RPS6KA2: variants seen among roughly 807,000 people sequenced by gnomAD.
RPS6KA2 encodes ribosomal protein S6 kinase alpha-2.
RPS6KA2 carries 42 observed loss-of-function variants against 91.8 expected under a neutral mutation model. The observed-to-expected ratio is 0.46, with a 90% CI of 0.36 to 0.59. The LOEUF (loss-of-function observed/expected upper bound fraction) is 0.59, where lower values mean the gene tolerates loss of function less well. Among genes scored for constraint, RPS6KA2 ranks in the 20% least tolerant of loss-of-function variants. The probability of loss-of-function intolerance (pLI) is 0.00; values close to 1 mark genes in which losing one functional copy is unlikely to be tolerated. For missense variants in RPS6KA2, 798 were observed against 978.5 expected, an observed-to-expected ratio of 0.82 and a Z score of 2.46; for synonymous variants, 414 against 393.6, an observed-to-expected ratio of 1.05 and a Z score of -0.61.
chr6:166,478,570 A>T (rs1359883640), intron 10 of RPS6KA2, among the ~76,000 whole-genome samples: 3 of 152,168 alleles, frequency 2.0e-5, no homozygotes, highest in African/African-American at 7.2e-5. Flanking sequence ...GTTTAACAAC[A>T]TCTATTAAAA....
intron 2 of RPS6KA2, among the ~76,000 whole-genome samples, chr6:166,764,088 G>A (rs1371895752): frequency 3.3e-5 from 5 of 152,192 alleles, no homozygotes; most frequent in Admixed American, 3.3e-4. Flanking sequence ...GCTTCTGAGT[G>A]CCCTGTGCCT....
chr6:166,504,541 G>C lies in RPS6KA2; in HGVS notation c.531C>G (p.Ser177Arg). 1 of 1,613,336 alleles carries C rather than the reference G, an allele frequency of 6.2e-7. No homozygotes were observed. Among genetic ancestry groups the C allele is most frequent in the Non-Finnish European group, 8.5e-7 (1 of 1,179,388 alleles). The change falls in exon 6 of 21, where the codon AGC (serine) becomes AGG (arginine). Residue 177 changes from serine to arginine, a missense_variant. Physicochemically the swap from Ser to Arg is moderately radical, Grantham distance 110. Transcript: ENST00000265678. ...TCAGATCTCTGTAGATGATCCCCAG[G>C]CTGTGGAGATGGTCTAAAGCCAAGG... is the stretch of plus-strand genomic sequence containing the variant. ...ELALALDHLH[S>R]LGIIYRDLKP...
chr6:166,757,286 T>C (rs1778041775), intron 2 of RPS6KA2, among the ~76,000 whole-genome samples: 1 of 152,200 alleles, frequency 6.6e-6, no homozygotes, highest in South Asian at 2.1e-4. Context: ...TTAAGTTTTC[T>C]TGGGCTCAAA....
intron 19 of RPS6KA2, among the ~76,000 whole-genome samples, chr6:166,417,649 A>ACACACACACG (rs980071241): frequency 1.1e-4 from 16 of 147,878 alleles, no homozygotes; most frequent in African/African-American, 4.1e-4. Flanking sequence ...ACACACACAC[A>ACACACACACG]CACGCACGCA....
chr6:166,444,882 C>T (rs923134538), intron 14 of RPS6KA2, among the ~76,000 whole-genome samples: 17 of 152,166 alleles, frequency 1.1e-4, no homozygotes, highest in African/African-American at 3.9e-4. Context: ...CTTCCCACAA[C>T]CTTTGGCAGA....
At chr6:166,456,149 G>T (rs1458049004) in intron 12 of RPS6KA2, among the ~76,000 whole-genome samples, 2 of 152,182 alleles carry the variant, frequency 1.3e-5, no homozygotes, top group African/African-American at 4.8e-5. Flanking sequence ...ACCTTCCGTG[G>T]CCAGAGAACC....
chr6:166,431,216 T>C (rs1779119361), intron 15 of RPS6KA2, among the ~76,000 whole-genome samples: 1 of 151,980 alleles, frequency 6.6e-6, no homozygotes, highest in Non-Finnish European at 1.5e-5. Flanking sequence ...GCGTGAGCCA[T>C]AGTGCCTGGC....
intron 2 of RPS6KA2, among the ~76,000 whole-genome samples, chr6:166,776,594 C>T (rs903094050): frequency 7.9e-5 from 12 of 152,166 alleles, no homozygotes; most frequent in African/African-American, 2.2e-4. Context: ...TCCCTGGCAA[C>T]CAGCAATCCG....
intron 10 of RPS6KA2, among the ~76,000 whole-genome samples, chr6:166,476,014 C>CAATGTGA (rs1780960047): frequency 6.6e-6 from 1 of 152,206 alleles, no homozygotes; most frequent in Non-Finnish European, 1.5e-5. Flanking sequence ...CAATGTCTCA[C>CAATGTGA]AATGTGACCA....
chr6:166,426,102 C>T (rs1034938134), intron 16 of RPS6KA2, among the ~76,000 whole-genome samples: 2 of 152,130 alleles, frequency 1.3e-5, no homozygotes, highest in Admixed American at 6.6e-5. Context: ...AACAAACTAT[C>T]TCTCAGACCA....
chr6:166,659,054 C>T (rs2128556863), intron 2 of RPS6KA2, among the ~76,000 whole-genome samples: 1 of 150,012 alleles, frequency 6.7e-6, no homozygotes, highest in South Asian at 2.1e-4. Context: ...AGGTAAGAAG[C>T]TCCCCACAAC....
chr6:166,722,085 CAATCAGAAA>C (rs1157294057), intron 2 of RPS6KA2, among the ~76,000 whole-genome samples: 1 of 152,086 alleles, frequency 6.6e-6, no homozygotes, highest in Non-Finnish European at 1.5e-5. Context: ...GAATATAATA[CAATCAGAAA>C]AATTAGAAAT....
intron 1 of RPS6KA2, among the ~76,000 whole-genome samples, chr6:166,609,221 A>G (rs1163812028): frequency 6.6e-6 from 1 of 152,192 alleles, no homozygotes; most frequent in Non-Finnish European, 1.5e-5. Context: ...AGTGGGAGGT[A>G]CTACAGAGAT....
rs1224894955 is a variant in RPS6KA2, at chr6:166,829,399, G to A, written c.123+28801C>T. Among the ~76,000 whole-genome samples the A allele has an allele frequency of 2.6e-5, 4 of 151,968 alleles. 1 individual carries two copies. Among genetic ancestry groups the A allele is most frequent in the African/African-American group, 7.3e-5 (3 of 41,364 alleles). On this transcript the variant is annotated intron_variant, in intron 2 of 21. Coordinates refer to the RPS6KA2 transcript ENST00000503859. The stretch of plus-strand genomic sequence containing the variant: ...GAAGTCAGGAGATGGAGACCATCCT[G>A]GCTAACACAGAGAAACCCCGTCTCT...
chr6:166,647,185 C>T (rs1220439992), intron 2 of RPS6KA2, among the ~76,000 whole-genome samples: 1 of 151,950 alleles, frequency 6.6e-6, no homozygotes, highest in East Asian at 1.9e-4. Context: ...CTCTAAACCA[C>T]TCAGTAAATG....
At chr6:166,582,925 T>C (rs1451809443) in intron 1 of RPS6KA2, among the ~76,000 whole-genome samples, 1 of 152,256 alleles carries the variant, frequency 6.6e-6, no homozygotes, top group Non-Finnish European at 1.5e-5. Context: ...GGATAATAAT[T>C]TGAAGATTTA....
intron 2 of RPS6KA2, among the ~76,000 whole-genome samples, chr6:166,725,297 C>T (rs944926751): frequency 6.6e-6 from 1 of 152,194 alleles, no homozygotes; most frequent in Non-Finnish European, 1.5e-5. Context: ...ACAACCTTAG[C>T]TCTGTATTAA....
intron 12 of RPS6KA2, among the ~76,000 whole-genome samples, chr6:166,451,914 G>A (rs1423349215): frequency 1.3e-5 from 2 of 152,060 alleles, no homozygotes; most frequent in Non-Finnish European, 2.9e-5. Flanking sequence ...TAAATCCCTC[G>A]TGGGGAAAAA....
chr6:166,464,221 C>A lies in RPS6KA2; in HGVS notation c.973-4670G>T, dbSNP rs181177459. 3.3e-5 allele frequency among the ~76,000 whole-genome samples: 5 copies of A among 152,234 alleles called. No individual in the cohort carries two copies. The East Asian group carries it at 7.7e-4, about 24-fold the overall frequency. On this transcript the variant is annotated intron_variant, in intron 11 of 20. Transcript: ENST00000265678. The stretch of plus-strand genomic sequence containing the variant: ...ACCCGGAACCCACCCTCTGCTCCTG[C>A]CAGGACACACAACAGCCAAGTTCAG...
Sources: allele counts gnomAD v4.1 joint callset (sites outside exome capture counted in the v4.1 genomes callset), GRCh38; gene constraint gnomAD v4.1.1; transcripts MANE v1.5; gene names NCBI Gene and HGNC (gene_info 2026-07-23, HGNC 2026-07-21).